The following NAV3 variants were observed in gnomAD, a reference collection of about 807,000 sequenced individuals.
NAV3 encodes neuron navigator 3, also known as pore membrane and/or filament interacting like protein 1.
In NAV3, 87 loss-of-function variants were observed where a neutral mutation model predicts 244.7. That is an observed-to-expected ratio of 0.36 (90% CI 0.30 to 0.42). The LOEUF (loss-of-function observed/expected upper bound fraction) is 0.42, where lower values mean the gene tolerates loss of function less well. Ranked by LOEUF, NAV3 falls within the 20% of genes least tolerant of loss-of-function variation. The pLI, the probability that NAV3 is intolerant of heterozygous loss-of-function variation, is 1.00. For missense variants in NAV3, 2,663 were observed against 2,893.3 expected (o/e 0.92, Z 1.83); for synonymous variants, 1,126 against 1,042.2 (o/e 1.08, Z -1.55).
At chr12:77,809,792 A>G (rs1032665851) in intron 2 of NAV3, among the ~76,000 whole-genome samples, 1 of 152,210 alleles carries the variant, frequency 6.6e-6, no homozygotes. Flanking sequence ...TTAAATTGCT[A>G]ATTTCCGCTT....
At chr12:78,036,113 A>G (rs1417072300) in intron 9 of NAV3, 2 of 151,804 alleles carry the variant, frequency 1.3e-5, no homozygotes, top group Admixed American at 6.6e-5. Flanking sequence ...TAATAGTGGA[A>G]GATCTCGTAC....
intron 3 of NAV3, among the ~76,000 whole-genome samples, chr12:77,957,138 A>C (rs1891441712): frequency 6.6e-6 from 1 of 152,182 alleles, no homozygotes; most frequent in Non-Finnish European, 1.5e-5. Context: ...TGCTCTACAG[A>C]GTTGTTTATA....
chr12:78,019,837 A>G (rs1043117978), intron 8 of NAV3, among the ~76,000 whole-genome samples: 21 of 152,166 alleles, frequency 1.4e-4, no homozygotes, highest in Non-Finnish European at 2.1e-4. Flanking sequence ...AGAGGGCTCC[A>G]TGAATCAGGA....
intron 2 of NAV3, among the ~76,000 whole-genome samples, chr12:77,736,403 A>T (rs1877334965): frequency 6.6e-6 from 1 of 152,196 alleles, no homozygotes; most frequent in Non-Finnish European, 1.5e-5. Context: ...GGCTGGGCTC[A>T]GCTGAATGGT....
intron 2 of NAV3, among the ~76,000 whole-genome samples, chr12:77,673,264 T>C (rs1483422428): frequency 6.6e-6 from 1 of 152,174 alleles, no homozygotes; most frequent in Non-Finnish European, 1.5e-5. Context: ...ATTTAAAATG[T>C]CCTCTTTTAT....
chr12:78,025,769 GTA>G (rs1386996828), intron 9 of NAV3, among the ~76,000 whole-genome samples: 2 of 152,040 alleles, frequency 1.3e-5, no homozygotes, highest in African/African-American at 4.8e-5. Context: ...GTTGTTAAAA[GTA>G]ACCTGGCACC....
At chr12:77,953,682 G>A (rs898112270) in intron 3 of NAV3, among the ~76,000 whole-genome samples, 6 of 152,142 alleles carry the variant, frequency 3.9e-5, no homozygotes, top group Non-Finnish European at 8.8e-5. Flanking sequence ...GCGTTCCTTT[G>A]CAATGACACA....
chr12:77,651,345 C>T (rs1353471852), intron 2 of NAV3, among the ~76,000 whole-genome samples: 1 of 152,116 alleles, frequency 6.6e-6, no homozygotes, highest in Middle Eastern at 3.2e-3. Context: ...CAGACTTATT[C>T]TGACTGATCT....
chr12:77,966,267 C>T lies in NAV3; in HGVS notation c.453C>T (p.Ala151=). ...NVDVCLSFLA[A]RGVNVQGLSA... ...ATGTCTGCCTTAGTTTTCTAGCAGC[C>T]AGAGGGGTAAATGTTCAAGGTCTAT... The change falls in exon 4 of 40, where the codon GCC becomes GCT. Residue 151 remains alanine, a synonymous_variant. Transcript: ENST00000397909. 6.2e-7 allele frequency: 1 copy of T among 1,613,498 alleles called. No individual in the cohort carries two copies. Among genetic ancestry groups the T allele is most frequent in the Non-Finnish European group, 8.5e-7 (1 of 1,179,776 alleles).
chr12:77,944,142 A>G (rs1390379234), intron 3 of NAV3, among the ~76,000 whole-genome samples: 1 of 152,198 alleles, frequency 6.6e-6, no homozygotes. Context: ...TTCCACAAAC[A>G]AATAGAAGAG....
intron 27 of NAV3, 27 bp from the exon 28 acceptor site, chr12:78,177,593 T>G: frequency 6.3e-7 from 1 of 1,587,516 alleles, no homozygotes. Context: ...TTTGTCCATG[T>G]ATCTGTCTAA....
chr12:77,923,710 G>A (rs1887928218), intron 1 of NAV3, among the ~76,000 whole-genome samples: 1 of 152,054 alleles, frequency 6.6e-6, no homozygotes, highest in Non-Finnish European at 1.5e-5. Context: ...GACCCCAGCA[G>A]TGGAAACTTG....
chr12:77,752,877 G>A (rs910323272), intron 2 of NAV3, among the ~76,000 whole-genome samples: 1 of 152,012 alleles, frequency 6.6e-6, no homozygotes, highest in Non-Finnish European at 1.5e-5. Flanking sequence ...ATCCCTTTTT[G>A]GTGAGACTGT....
At chr12:77,824,469 A>G (rs561539109) in intron 2 of NAV3, among the ~76,000 whole-genome samples, 4 of 152,238 alleles carry the variant, frequency 2.6e-5, no homozygotes, top group African/African-American at 7.2e-5. Context: ...TCCAACATAC[A>G]TAATTGGAGC....
chr12:77,944,340 A>G (rs140919820), intron 3 of NAV3, among the ~76,000 whole-genome samples: 1 of 152,278 alleles, frequency 6.6e-6, no homozygotes, highest in East Asian at 1.9e-4. Flanking sequence ...TGGGGATTAT[A>G]AAGTAAGTAA....
intron 2 of NAV3, among the ~76,000 whole-genome samples, chr12:77,744,387 A>G (rs1166869073): frequency 6.6e-6 from 1 of 151,964 alleles, no homozygotes; most frequent in East Asian, 1.9e-4. Context: ...AATAGAGACT[A>G]TTACTCCCAG....
intron 30 of NAV3, 55 bp from the exon 31 acceptor site, chr12:78,185,545 AC>A: frequency 6.9e-7 from 1 of 1,458,072 alleles, no homozygotes; most frequent in Non-Finnish European, 9.5e-7. Context: ...ATGACAGTAA[AC>A]AAATCTGAGC....
At chr12:77,576,865 G>T (rs1263512673) in intron 2 of NAV3, among the ~76,000 whole-genome samples, 1 of 151,864 alleles carries the variant, frequency 6.6e-6, no homozygotes, top group African/African-American at 2.4e-5. Context: ...AAATCTACCT[G>T]ACTTCCTTTT....
intron 2 of NAV3, among the ~76,000 whole-genome samples, chr12:77,804,570 G>A (rs1339726553): frequency 4.6e-5 from 7 of 152,112 alleles, no homozygotes; most frequent in Non-Finnish European, 2.9e-5. Flanking sequence ...TTTGGTTACT[G>A]TAGCCTTGTA....
Sources: allele counts gnomAD v4.1 joint callset (sites outside exome capture counted in the v4.1 genomes callset), GRCh38; gene constraint gnomAD v4.1.1; transcripts MANE v1.5; gene names NCBI Gene and HGNC (gene_info 2026-07-23, HGNC 2026-07-21).